The following GMDS variants were observed in gnomAD, a reference collection of about 807,000 sequenced individuals.
GMDS encodes GDP-mannose 4,6 dehydratase.
A neutral mutation model predicts 49.9 loss-of-function variants in GMDS; 20 were observed. The ratio of observed to expected loss-of-function variants is 0.40; its 90% CI spans 0.28 to 0.58. GMDS has a LOEUF of 0.58. Among genes scored for constraint, GMDS ranks in the 20% least tolerant of loss-of-function variants. The pLI is 0.42. For missense variants in GMDS, 362 were observed against 481.4 expected (o/e 0.75, Z 2.32); for synonymous variants, 177 against 178.6 (o/e 0.99, Z 0.07).
intron 7 of GMDS, among the ~76,000 whole-genome samples, chr6:1,794,039 T>C (rs766014881): frequency 3.3e-5 from 5 of 152,204 alleles, no homozygotes; most frequent in Non-Finnish European, 5.9e-5. Context: ...TAAACAAAGA[T>C]TGGGTCAGTG....
chr6:1,959,812 CTTGTTG>C, intron 6 of GMDS, 49 bp downstream of exon 6: 4 of 1,039,896 alleles, frequency 3.8e-6, no homozygotes, highest in African/African-American at 3.2e-5. Context: ...AGACATGCAA[CTTGTTG>C]TTGTTGTTCA....
At chr6:2,101,562 C>T (rs528342893) in intron 4 of GMDS, among the ~76,000 whole-genome samples, 12 of 151,694 alleles carry the variant, frequency 7.9e-5, no homozygotes, top group East Asian at 3.9e-4. Context: ...GAATCTCCCA[C>T]GAAATGAGAG....
In GMDS at chr6:2,039,080, A is replaced by G. The variant is rs149287458; in HGVS notation, c.345+76691T>C. 1.5e-3 allele frequency among the ~76,000 whole-genome samples: 227 copies of G among 152,322 alleles called. 1 individual carries two copies. Among genetic ancestry groups the G allele is most frequent in the African/African-American group, 5.3e-3 (219 of 41,584 alleles). ...ACGCCTAGGCTGTATGGTAGAGCCTATTGCTCCTAGGCTCCCAACCTGTAC... is the reference window on the plus strand; with the variant it reads ...ACGCCTAGGCTGTATGGTAGAGCCTGTTGCTCCTAGGCTCCCAACCTGTAC... On this transcript the variant is annotated intron_variant, in intron 4 of 10. Coordinates refer to ENST00000380815, the MANE Select transcript of GMDS (RefSeq NM_001500.4).
chr6:1,634,238 G>A (rs1763078028), intron 9 of GMDS, among the ~76,000 whole-genome samples: 2 of 152,170 alleles, frequency 1.3e-5, no homozygotes, highest in Non-Finnish European at 2.9e-5. Context: ...GCAGTAACCT[G>A]GCCATCCTAT....
At chr6:1,717,015 T>C (rs1338303050) in intron 9 of GMDS, among the ~76,000 whole-genome samples, 1 of 152,232 alleles carries the variant, frequency 6.6e-6, no homozygotes, top group Non-Finnish European at 1.5e-5. Flanking sequence ...ATTAACAACA[T>C]GCTATCCATT....
intron 4 of GMDS, among the ~76,000 whole-genome samples, chr6:1,986,781 AT>A (rs1327951377): frequency 6.6e-6 from 1 of 152,180 alleles, no homozygotes; most frequent in Non-Finnish European, 1.5e-5. Flanking sequence ...TGTCAGGGAT[AT>A]TTGGTAAGAG....
intron 7 of GMDS, among the ~76,000 whole-genome samples, chr6:1,920,401 T>C (rs933625853): frequency 6.6e-6 from 1 of 152,242 alleles, no homozygotes; most frequent in East Asian, 1.9e-4. Flanking sequence ...AACAGTACTT[T>C]AGCATGCATT....
chr6:1,961,745 A>C (rs1329649898), intron 4 of GMDS, among the ~76,000 whole-genome samples: 2 of 152,266 alleles, frequency 1.3e-5, no homozygotes, highest in Non-Finnish European at 2.9e-5. Context: ...ATAGCTGGGC[A>C]CAGTGCAAAC....
At chr6:1,994,470 C>G (rs149806466) in intron 4 of GMDS, among the ~76,000 whole-genome samples, 1 of 152,082 alleles carries the variant, frequency 6.6e-6, no homozygotes, top group Non-Finnish European at 1.5e-5. Flanking sequence ...CCATAAATAA[C>G]CCTTCAGCAA....
intron 4 of GMDS, among the ~76,000 whole-genome samples, chr6:2,066,590 C>CA (rs1554158844): frequency 2.0e-5 from 3 of 150,882 alleles, no homozygotes; most frequent in East Asian, 1.9e-4. Flanking sequence ...AAATGGAAAA[C>CA]AAAAAAAGGC....
intron 7 of GMDS, among the ~76,000 whole-genome samples, chr6:1,882,948 TGTAATCTAGCTTG>T (rs1759430640): frequency 6.6e-6 from 1 of 152,204 alleles, no homozygotes; most frequent in Admixed American, 6.5e-5. Flanking sequence ...AAACTGTGTA[TGTAATCTAGCTTG>T]GTTCCTCATA....
intron 1 of GMDS, among the ~76,000 whole-genome samples, chr6:2,240,085 T>C (rs748704234): frequency 2.6e-5 from 4 of 152,196 alleles, no homozygotes; most frequent in Non-Finnish European, 4.4e-5. Context: ...TCCTCTTATA[T>C]GAGAAGATAA....
intron 7 of GMDS, among the ~76,000 whole-genome samples, chr6:1,818,732 A>G (rs1482928732): frequency 1.3e-5 from 2 of 152,054 alleles, no homozygotes; most frequent in African/African-American, 4.8e-5. Flanking sequence ...ATATATATAC[A>G]TATATACATA....
At chr6:1,672,699 AGTGAAAACCC>A (rs1182414920) in intron 9 of GMDS, among the ~76,000 whole-genome samples, 1 of 152,226 alleles carries the variant, frequency 6.6e-6, no homozygotes, top group Non-Finnish European at 1.5e-5. Context: ...CTTTCCAGAA[AGTGAAAACCC>A]TCCTGTTCAA....
At chr6:1,916,157 T>C (rs897327610) in intron 7 of GMDS, among the ~76,000 whole-genome samples, 1 of 152,218 alleles carries the variant, frequency 6.6e-6, no homozygotes, top group African/African-American at 2.4e-5. Context: ...ATTCCTATGA[T>C]GTTTTTGCTA....
intron 4 of GMDS, among the ~76,000 whole-genome samples, chr6:2,042,756 T>C (rs879385065): frequency 6.6e-6 from 1 of 152,076 alleles, no homozygotes; most frequent in South Asian, 2.1e-4. Flanking sequence ...TCAAAAGAAA[T>C]CAAAAACACA....
chr6:1,774,616 G>T (rs1768719972), intron 7 of GMDS, among the ~76,000 whole-genome samples: 1 of 152,218 alleles, frequency 6.6e-6, no homozygotes, highest in African/African-American at 2.4e-5. Flanking sequence ...TCGTCCTTCT[G>T]TCTGTCTCAC....
chr6:1,952,869 G>A (rs975547187), intron 6 of GMDS, among the ~76,000 whole-genome samples: 3 of 152,100 alleles, frequency 2.0e-5, no homozygotes, highest in Admixed American at 6.5e-5. Context: ...AACAGGGAAC[G>A]TGATTTCTTA....
chr6:1,786,396 G>A (rs1769321699), intron 7 of GMDS, among the ~76,000 whole-genome samples: 1 of 152,256 alleles, frequency 6.6e-6, no homozygotes, highest in Admixed American at 6.5e-5. Flanking sequence ...ACCAAGGCCA[G>A]CAGGCCAGGG....
Sources: allele counts gnomAD v4.1 joint callset (sites outside exome capture counted in the v4.1 genomes callset), GRCh38; gene constraint gnomAD v4.1.1; transcripts MANE v1.5; gene names NCBI Gene and HGNC (gene_info 2026-07-23, HGNC 2026-07-21).